RNASE6: variants seen among roughly 807,000 people sequenced by gnomAD.
RNASE6 encodes the protein ribonuclease K6.
For synonymous variants in RNASE6, 64 were observed against 63.6 expected, an observed-to-expected ratio of 1.01 and a Z score of -0.03; for missense variants, 197 against 181.9, an observed-to-expected ratio of 1.08 and a Z score of -0.48.
chr14:20,782,156 A>T lies in RNASE6; in HGVS notation c.*4A>T, dbSNP rs1246558596. 1 of 1,551,340 alleles carries T rather than the reference A, an allele frequency of 6.4e-7. No homozygotes were observed. Among genetic ancestry groups the T allele is most frequent in the Admixed American group, 2.0e-5 (1 of 50,650 alleles). ...ACACTTAGATAGTATTCTCTAAGGC[A>T]TCCACTGCATTTCCTTTCATTTGAC... is the stretch of plus-strand genomic sequence containing the variant. On this transcript the variant is annotated 3_prime_UTR_variant, in exon 2 of 2. Coordinates refer to ENST00000304677, the MANE Select transcript of RNASE6 (RefSeq NM_005615.5).
chr14:20,782,282 A>C lies in RNASE6; in HGVS notation c.*130A>C. On this transcript the variant is annotated 3_prime_UTR_variant, in exon 2 of 2. Coordinates refer to ENST00000304677, the MANE Select transcript of RNASE6 (RefSeq NM_005615.5). Reference sequence around the variant, plus strand: ...AGGTGTTTGGAGAATTCGAGTGCCTAGGATGCCAGACCAGAGTTGAGACAA... The same window carrying C: ...AGGTGTTTGGAGAATTCGAGTGCCTCGGATGCCAGACCAGAGTTGAGACAA... 1.2e-6 allele frequency: 1 copy of C among 861,112 alleles called. No homozygotes were observed. The highest frequency in any genetic ancestry group is 2.6e-5 in the East Asian group (1 of 38,910). The allele number at this position is 861,112 out of a possible 1,614,324, so 53.3% of individuals were successfully genotyped here.
chr14:20,781,552 G>A (rs1878644579), intron 1 of RNASE6, 143 bp from the exon 2 acceptor site: 1 of 637,610 alleles, frequency 1.6e-6, no homozygotes, highest in African/African-American at 1.8e-5. Context: ...GTTCTTCATA[G>A]AATTGTGAGA....
rs1878679477 is a variant in RNASE6 at position 20,782,183 on chromosome 14, T to C, written c.*31T>C. The C allele has an allele frequency of 3.3e-6, 5 of 1,492,754 alleles. No individual in the cohort carries two copies. Among genetic ancestry groups the C allele is most frequent in the Middle Eastern group, 1.9e-4 (1 of 5,352 alleles). The allele number at this position is 1,492,754 out of a possible 1,614,324, so 92.5% of individuals were successfully genotyped here. On this transcript the variant is annotated 3_prime_UTR_variant, in exon 2 of 2. Coordinates refer to ENST00000304677, the MANE Select transcript of RNASE6 (RefSeq NM_005615.5). ...CCACTGCATTTCCTTTCATTTGACA[T>C]AGCTTCTGTTACAATTGCATCCATG...
chr14:20,781,588 G>A, intron 1 of RNASE6, 107 bp from the exon 2 acceptor site: 3 of 792,014 alleles, frequency 3.8e-6, no homozygotes, highest in Non-Finnish European at 5.8e-6. Context: ...GATTTTAAAG[G>A]GAGCTGTAAA....
Position 20,782,431 on chromosome 14 carries a change from G to A in RNASE6, c.*279G>A. 1 of 418,634 alleles carries A rather than the reference G, an allele frequency of 2.4e-6. No homozygotes were observed. Among genetic ancestry groups the A allele is most frequent in the Non-Finnish European group, 4.4e-6 (1 of 226,456 alleles). 25.9% of individuals were successfully genotyped at this position (418,634 alleles called of 1,614,324 possible). The stretch of plus-strand genomic sequence containing the variant: ...CTTTTGCCAAGCTTTATTGCCCTGT[G>A]TTCACAGCAATAAAACCACTTCCTG... On this transcript the variant is annotated 3_prime_UTR_variant, in exon 2 of 2. Coordinates refer to ENST00000304677, the MANE Select transcript of RNASE6 (RefSeq NM_005615.5).
Position 20,782,024 on chromosome 14 carries a change from G to A in RNASE6, c.325G>A (p.Gly109Arg), listed in dbSNP as rs770315239. The change falls in exon 2 of 2, where the codon GGA becomes AGA. Residue 109 changes from glycine (G) to arginine (R), a missense_variant. Gly to Arg is a moderately radical substitution (Grantham distance 125). Coordinates refer to ENST00000304677, the MANE Select transcript of RNASE6 (RefSeq NM_005615.5). The stretch of plus-strand genomic sequence containing the variant: ...CATGACTGACTGCAGACTCACTTCA[G>A]GAAAGTATCCCCAGTGCCGCTATAG... Reference protein sequence around the residue: ...VNMTDCRLTSGKYPQCRYSAA... With the variant: ...VNMTDCRLTSRKYPQCRYSAA... 2 of 1,614,180 alleles carry A rather than the reference G, an allele frequency of 1.2e-6. No individual in the cohort carries two copies. The highest frequency in any genetic ancestry group is 1.7e-6 in the Non-Finnish European group (2 of 1,180,038).
rs1186660276 is a variant in RNASE6, at chr14:20,781,861, C to T, written c.162C>T (p.Asn54=). The T allele has an allele frequency of 6.2e-7, 1 of 1,614,198 alleles. No homozygotes were observed. Among genetic ancestry groups the T allele is most frequent in the Admixed American group, 1.7e-5 (1 of 60,026 alleles). Residue 54 remains asparagine, a synonymous_variant, in exon 2 of 2, where the codon AAC becomes AAT. Coordinates refer to ENST00000304677, the MANE Select transcript of RNASE6 (RefSeq NM_005615.5). Reference sequence around the variant, plus strand: ...GCAACAGGGCAATGAGTGGCATCAACAATTATACCCAGCACTGTAAGCATC... The same window carrying T: ...GCAACAGGGCAATGAGTGGCATCAATAATTATACCCAGCACTGTAAGCATC... ...LQCNRAMSGI[N]NYTQHCKHQN...
chr14:20,781,717 T>C lies in RNASE6; in HGVS notation c.18T>C (p.Pro6=). 1 of 1,610,172 alleles carries C rather than the reference T, an allele frequency of 6.2e-7. No homozygotes were observed. The highest frequency in any genetic ancestry group is 8.5e-7 in the Non-Finnish European group (1 of 1,177,820). MVLCF[P]LLLLLLVLWG... is the part of the protein sequence containing the mutation. Reference sequence around the variant, plus strand: ...CAGAAAAGATGGTGCTATGCTTTCCTCTTCTTTTACTGCTGCTGGTTCTAT... The same window carrying C: ...CAGAAAAGATGGTGCTATGCTTTCCCCTTCTTTTACTGCTGCTGGTTCTAT... The change falls in exon 2 of 2, where the codon CCT becomes CCC. Residue 6 remains proline, a synonymous_variant. Transcript: ENST00000304677.
chr14:20,781,869 C>A lies in RNASE6; in HGVS notation c.170C>A (p.Thr57Asn). Residue 57 changes from threonine (T) to asparagine (N), a missense_variant, in exon 2 of 2, where the codon ACC becomes AAC. Thr to Asn is a moderately conservative substitution (Grantham distance 65). Transcript: ENST00000304677. ...NRAMSGINNY[T>N]QHCKHQNTFL... ...GCAATGAGTGGCATCAACAATTATACCCAGCACTGTAAGCATCAAAATACC... is the reference window on the plus strand; with the variant it reads ...GCAATGAGTGGCATCAACAATTATAACCAGCACTGTAAGCATCAAAATACC... 2 of 1,614,214 alleles carry A rather than the reference C, an allele frequency of 1.2e-6. No individual in the cohort carries two copies. The highest frequency in any genetic ancestry group is 8.5e-7 in the Non-Finnish European group (1 of 1,180,038).
At chr14:20,781,531 C>T (rs1309837343) in intron 1 of RNASE6, among the ~76,000 whole-genome samples, 164 bp from the exon 2 acceptor site, 2 of 152,086 alleles carry the variant, frequency 1.3e-5, no homozygotes, top group African/African-American at 4.8e-5. Flanking sequence ...TTTCTGTTTC[C>T]TGGGCTTCAG....
chr14:20,781,971 A>T lies in RNASE6; in HGVS notation c.272A>T (p.Asn91Ile), dbSNP rs766813926. ...LSIVCKNRRH[N>I]CHQSSKPVNM... ...ATTGTCTGCAAAAATCGTCGGCACAACTGCCACCAGAGCTCAAAGCCTGTC... is the reference window on the plus strand; with the variant it reads ...ATTGTCTGCAAAAATCGTCGGCACATCTGCCACCAGAGCTCAAAGCCTGTC... Residue 91 changes from asparagine (N) to isoleucine (I), a missense_variant, in exon 2 of 2, where the codon AAC becomes ATC. Transcript: ENST00000304677. 5.0e-5 allele frequency: 81 copies of T among 1,614,088 alleles called. No homozygotes were observed. Among genetic ancestry groups the T allele is most frequent in the Non-Finnish European group, 6.8e-5 (80 of 1,180,032 alleles).
In RNASE6 at chr14:20,782,457, C is replaced by A; in HGVS notation, c.*305C>A. ...TTCACAGCAATAAAACCACTTCCTG[C>A]TGCATTCTAATGAGTGTGTGTTTGA... On this transcript the variant is annotated 3_prime_UTR_variant, in exon 2 of 2. Coordinates refer to ENST00000304677, the MANE Select transcript of RNASE6 (RefSeq NM_005615.5). The A allele has an allele frequency of 3.0e-6, 1 of 330,940 alleles. No individual in the cohort carries two copies. The highest frequency in any genetic ancestry group is 5.9e-6 in the Non-Finnish European group (1 of 170,602). The allele number at this position is 330,940 out of a possible 1,614,324, so 20.5% of individuals were successfully genotyped here.
In RNASE6 at chr14:20,782,199, TG is replaced by T. The variant is rs779964939; in HGVS notation, c.*48del. 4 of 1,459,422 alleles carry T rather than the reference TG, an allele frequency of 2.7e-6. No individual in the cohort carries two copies. The African/African-American group carries it at 5.7e-5, about 21-fold the overall frequency. 90.4% of individuals were successfully genotyped at this position (1,459,422 alleles called of 1,614,324 possible). A position where few individuals can be genotyped will look rare whatever the true frequency, so the allele number is the denominator to read the frequency against. On this transcript the variant is annotated 3_prime_UTR_variant, in exon 2 of 2. Coordinates refer to ENST00000304677, the MANE Select transcript of RNASE6 (RefSeq NM_005615.5). ...CATTTGACATAGCTTCTGTTACAAT[TG>T]CATCCATGTTTTCTTTTCTTTTGTT...
chr14:20,781,705 G>T lies in RNASE6; in HGVS notation c.6G>T (p.Val2=). The T allele has an allele frequency of 6.2e-7, 1 of 1,604,490 alleles. No homozygotes were observed. Among genetic ancestry groups the T allele is most frequent in the East Asian group, 2.2e-5 (1 of 44,824 alleles). M[V]LCFPLLLLLL... ...TCTCTTTCTACACAGAAAAGATGGTGCTATGCTTTCCTCTTCTTTTACTGC... is the reference window on the plus strand; with the variant it reads ...TCTCTTTCTACACAGAAAAGATGGTTCTATGCTTTCCTCTTCTTTTACTGC... The change falls in exon 2 of 2, where the codon GTG becomes GTT. Residue 2 remains valine (V), a synonymous_variant. Transcript: ENST00000304677.
chr14:20,781,894 C>T lies in RNASE6; in HGVS notation c.195C>T (p.Thr65=). ...NYTQHCKHQN[T]FLHDSFQNVA... Reference sequence around the variant, plus strand: ...CCCAGCACTGTAAGCATCAAAATACCTTTCTGCATGACTCTTTCCAGAATG... The same window carrying T: ...CCCAGCACTGTAAGCATCAAAATACTTTTCTGCATGACTCTTTCCAGAATG... Residue 65 remains threonine (T), a synonymous_variant, in exon 2 of 2, where the codon ACC becomes ACT. Transcript: ENST00000304677. 2 of 1,614,176 alleles carry T rather than the reference C, an allele frequency of 1.2e-6. No homozygotes were observed. The highest frequency in any genetic ancestry group is 1.7e-6 in the Non-Finnish European group (2 of 1,180,024).
In RNASE6 at chr14:20,782,218, CT is replaced by C; in HGVS notation, c.*70del. On this transcript the variant is annotated 3_prime_UTR_variant, in exon 2 of 2. Coordinates refer to ENST00000304677, the MANE Select transcript of RNASE6 (RefSeq NM_005615.5). ...TACAATTGCATCCATGTTTTCTTTT[CT>C]TTTGTTGATTTTCTTGTTCCCGTAG... 2 of 1,419,942 alleles carry C rather than the reference CT, an allele frequency of 1.4e-6. No homozygotes were observed. Among genetic ancestry groups the C allele is most frequent in the Non-Finnish European group, 1.9e-6 (2 of 1,049,584 alleles). 88.0% of individuals were successfully genotyped at this position (1,419,942 alleles called of 1,614,324 possible).
In RNASE6 at chr14:20,782,052, C is replaced by T. The variant is rs757411208; in HGVS notation, c.353C>T (p.Ala118Val). The change falls in exon 2 of 2, where the codon GCT becomes GTT. Residue 118 changes from alanine to valine, a missense_variant. Transcript: ENST00000304677. ...AAGTATCCCCAGTGCCGCTATAGTG[C>T]TGCTGCCCAGTACAAATTCTTCATT... Reference protein sequence around the residue: ...SGKYPQCRYSAAAQYKFFIVA... With the variant: ...SGKYPQCRYSVAAQYKFFIVA... The T allele has an allele frequency of 1.2e-5, 20 of 1,614,052 alleles. No individual in the cohort carries two copies. In the South Asian group the frequency reaches 2.0e-4, roughly 16 times the overall value.
chr14:20,782,184 A>C lies in RNASE6; in HGVS notation c.*32A>C, dbSNP rs780193014. On this transcript the variant is annotated 3_prime_UTR_variant, in exon 2 of 2. Coordinates refer to ENST00000304677, the MANE Select transcript of RNASE6 (RefSeq NM_005615.5). ...CACTGCATTTCCTTTCATTTGACAT[A>C]GCTTCTGTTACAATTGCATCCATGT... 3 of 1,496,340 alleles carry C rather than the reference A, an allele frequency of 2.0e-6. No individual in the cohort carries two copies. In the East Asian group the frequency reaches 6.8e-5, roughly 34 times the overall value. 92.7% of individuals were successfully genotyped at this position (1,496,340 alleles called of 1,614,324 possible).
chr14:20,781,643 T>A (rs1255768365), intron 1 of RNASE6, 52 bp from the exon 2 acceptor site: 41 of 1,384,864 alleles, frequency 3.0e-5, no homozygotes, highest in Non-Finnish European at 8.7e-6. Context: ...TGATTAAAAA[T>A]TTTGCTCTTA....
Sources: allele counts gnomAD v4.1 joint callset (sites outside exome capture counted in the v4.1 genomes callset), GRCh38; gene constraint gnomAD v4.1.1; transcripts MANE v1.5; gene names NCBI Gene and HGNC (gene_info 2026-07-23, HGNC 2026-07-21).